The following CNTN1 variants were observed in gnomAD, a reference collection of about 807,000 sequenced individuals.
CNTN1 encodes contactin 1, also known as contactin-1.
A neutral mutation model predicts 126.4 loss-of-function variants in CNTN1; 38 were observed. That is an observed-to-expected ratio of 0.30 (90% CI 0.23 to 0.39). The LOEUF (loss-of-function observed/expected upper bound fraction) is 0.39, where lower values mean the gene tolerates loss of function less well. Ranked by LOEUF, CNTN1 falls within the 10% of genes least tolerant of loss-of-function variation. CNTN1 has a pLI of 1.00. For synonymous variants in CNTN1, 413 were observed against 422.6 expected, an observed-to-expected ratio of 0.98 and a Z score of 0.28; for missense variants, 1,009 against 1,248.4, an observed-to-expected ratio of 0.81 and a Z score of 2.89.
intron 1 of CNTN1, among the ~76,000 whole-genome samples, chr12:40,732,966 T>G (rs1175679663): frequency 6.6e-6 from 1 of 151,994 alleles, no homozygotes; most frequent in Non-Finnish European, 1.5e-5. Context: ...ACAACTGCCT[T>G]GTTATTTTTA....
intron 23 of CNTN1, among the ~76,000 whole-genome samples, chr12:41,067,662 T>G (rs1480587499): frequency 6.6e-6 from 1 of 150,652 alleles, no homozygotes; most frequent in Non-Finnish European, 1.5e-5. Flanking sequence ...ATATACCTAA[T>G]GCTAGATGAC....
At chr12:40,999,291 T>C (rs1592380827) in intron 17 of CNTN1, among the ~76,000 whole-genome samples, 1 of 152,238 alleles carries the variant, frequency 6.6e-6, no homozygotes, top group African/African-American at 2.4e-5. Flanking sequence ...AGTAAAATTA[T>C]ACATGTTATT....
intron 20 of CNTN1, among the ~76,000 whole-genome samples, chr12:41,021,824 AAG>A (rs1353810326): frequency 6.6e-6 from 1 of 152,080 alleles, no homozygotes; most frequent in South Asian, 2.1e-4. Flanking sequence ...GCTAGTAGGA[AAG>A]AGAGAAATTC....
chr12:40,749,444 G>A (rs767699433), intron 1 of CNTN1, among the ~76,000 whole-genome samples: 2 of 152,026 alleles, frequency 1.3e-5, no homozygotes, highest in Non-Finnish European at 2.9e-5. Context: ...TACTTGAGAC[G>A]TCTTTCAAAT....
At chr12:40,768,097 G>A (rs1321578537) in intron 1 of CNTN1, among the ~76,000 whole-genome samples, 1 of 151,976 alleles carries the variant, frequency 6.6e-6, no homozygotes, top group Non-Finnish European at 1.5e-5. Flanking sequence ...GCTTTACAAC[G>A]TTACTCATAT....
intron 17 of CNTN1, among the ~76,000 whole-genome samples, chr12:40,994,332 T>C (rs1311811528): frequency 6.6e-6 from 1 of 152,104 alleles, no homozygotes; most frequent in Non-Finnish European, 1.5e-5. Context: ...AGAAAATTAA[T>C]TAAACTCCAT....
rs73269726 is a variant in CNTN1 at position 40,733,243 on chromosome 12, G to A, written c.-77+40651G>A. Among the ~76,000 whole-genome samples the A allele has an allele frequency of 8.8e-3, 1,339 of 151,910 alleles. 17 individuals are homozygous for A. Among genetic ancestry groups the A allele is most frequent in the African/African-American group, 0.031 (1,274 of 41,486 alleles). On this transcript the variant is annotated intron_variant, in intron 1 of 23. Transcript: ENST00000551295. Reference sequence around the variant, plus strand: ...TTAAAATACAATGTTGCCTCCTAACGAAAAGCTTATAAACCTGAATAAGGC... The same window carrying A: ...TTAAAATACAATGTTGCCTCCTAACAAAAAGCTTATAAACCTGAATAAGGC...
intron 1 of CNTN1, among the ~76,000 whole-genome samples, chr12:40,870,464 T>C (rs1197157697): frequency 6.6e-6 from 1 of 152,170 alleles, no homozygotes; most frequent in Non-Finnish European, 1.5e-5. Context: ...TATATAACTC[T>C]AGCCATAATG....
chr12:40,894,451 CA>C (rs1267182869), intron 1 of CNTN1, among the ~76,000 whole-genome samples: 1 of 152,072 alleles, frequency 6.6e-6, no homozygotes, highest in East Asian at 1.9e-4. Context: ...TACAGTAACG[CA>C]AAATGTTAAT....
intron 1 of CNTN1, among the ~76,000 whole-genome samples, chr12:40,741,018 C>T (rs1404800820): frequency 6.6e-6 from 1 of 151,990 alleles, no homozygotes; most frequent in African/African-American, 2.4e-5. Context: ...TCCTATACAC[C>T]TGGCCATTTC....
At chr12:40,726,074 T>C (rs1942344397) in intron 1 of CNTN1, among the ~76,000 whole-genome samples, 1 of 151,748 alleles carries the variant, frequency 6.6e-6, no homozygotes. Context: ...TCAAGAAAAA[T>C]AAAACCTTTG....
chr12:41,008,738 T>C (rs1948569906), intron 17 of CNTN1, among the ~76,000 whole-genome samples: 1 of 152,218 alleles, frequency 6.6e-6, no homozygotes, highest in South Asian at 2.1e-4. Context: ...TGCTTAAACC[T>C]TCTGACTTGT....
rs182804202 is a variant in CNTN1, at chr12:40,869,270, T to A, written c.-76-39087T>A. Reference sequence around the variant, plus strand: ...CAGGATACTAGATCCATCATTTCATTCCTCTTTTTTTGTTTTTTGAGACAG... The same window carrying A: ...CAGGATACTAGATCCATCATTTCATACCTCTTTTTTTGTTTTTTGAGACAG... On this transcript the variant is annotated intron_variant, in intron 1 of 23. Transcript: ENST00000551295. Among the ~76,000 whole-genome samples, 634 of 150,506 alleles carry A rather than the reference T, an allele frequency of 4.2e-3. 2 individuals are homozygous for A. Among genetic ancestry groups the A allele is most frequent in the African/African-American group, 0.015 (594 of 40,924 alleles).
chr12:40,865,888 C>A (rs901940700), intron 1 of CNTN1, among the ~76,000 whole-genome samples: 1 of 151,978 alleles, frequency 6.6e-6, no homozygotes. Context: ...GGATTACATT[C>A]AATCTGTAGA....
chr12:40,852,623 C>T (rs1942761957), intron 1 of CNTN1, among the ~76,000 whole-genome samples: 1 of 151,262 alleles, frequency 6.6e-6, no homozygotes, highest in Non-Finnish European at 1.5e-5. Context: ...TTTTCAAAAT[C>T]TGAGAATAAA....
Position 41,070,374 on chromosome 12 carries a change from A to G in CNTN1, c.*339A>G, listed in dbSNP as rs1237176330. The G allele has an allele frequency of 2.7e-6, 1 of 369,064 alleles. No homozygotes were observed. The highest frequency in any genetic ancestry group is 6.4e-5 in the East Asian group (1 of 15,588). 22.9% of individuals were successfully genotyped at this position (369,064 alleles called of 1,614,324 possible). A position where few individuals can be genotyped will look rare whatever the true frequency, so the allele number is the denominator to read the frequency against. On this transcript the variant is annotated 3_prime_UTR_variant, in exon 24 of 24. Coordinates refer to ENST00000551295, the MANE Select transcript of CNTN1 (RefSeq NM_001843.4). ...ACTATAGGCTGTAGAGTGAAAGTCAAATCACCATATACAGGTGCTTTAAAT... is the reference window on the plus strand; with the variant it reads ...ACTATAGGCTGTAGAGTGAAAGTCAGATCACCATATACAGGTGCTTTAAAT...
rs2136919426 is a variant in CNTN1 at position 40,933,508 on chromosome 12, G to A, written c.751G>A (p.Val251Ile). The change falls in exon 8 of 24, where the codon GTA (valine) becomes ATA (isoleucine). Residue 251 changes from valine (V) to isoleucine (I), a missense_variant. By Grantham distance (29) the Val-to-Ile change is conservative. Transcript: ENST00000551295. ...PADIVVQFKDVYALMGQNVTL... is the reference protein window; with the variant it reads ...PADIVVQFKDIYALMGQNVTL... Reference sequence around the variant, plus strand: ...TGATATTGTAGTTCAGTTCAAGGATGTATATGCATTGATGGGCCAAAATGT... The same window carrying A: ...TGATATTGTAGTTCAGTTCAAGGATATATATGCATTGATGGGCCAAAATGT... 2 of 1,612,138 alleles carry A rather than the reference G, an allele frequency of 1.2e-6. No homozygotes were observed. Among genetic ancestry groups the A allele is most frequent in the South Asian group, 1.1e-5 (1 of 91,050 alleles).
intron 1 of CNTN1, among the ~76,000 whole-genome samples, chr12:40,870,330 T>C (rs1943443304): frequency 6.6e-6 from 1 of 152,120 alleles, no homozygotes; most frequent in Admixed American, 6.6e-5. Context: ...CATGGCAGAA[T>C]CTGTTGTAAC....
intron 18 of CNTN1, among the ~76,000 whole-genome samples, chr12:41,015,070 TTTTATTC>T (rs1948748201): frequency 6.6e-6 from 1 of 152,154 alleles, no homozygotes; most frequent in Non-Finnish European, 1.5e-5. Flanking sequence ...AAATGACAGG[TTTTATTC>T]TTTGCATTGG....
Sources: gnomAD v4.1 joint callset for allele counts (sites outside exome capture counted in the v4.1 genomes callset) on GRCh38, gnomAD v4.1.1 for gene constraint, MANE v1.5 for transcripts, NCBI Gene and HGNC (gene_info 2026-07-23, HGNC 2026-07-21) for gene names.